Variants in HS6ST3 observed in about 807,000 individuals in gnomAD.
HS6ST3 encodes the protein heparan-sulfate 6-O-sulfotransferase 3.
HS6ST3 carries 12 observed loss-of-function variants against 36.7 expected under a neutral mutation model. The ratio of observed to expected loss-of-function variants is 0.33; its 90% CI spans 0.21 to 0.53. The LOEUF is 0.53. HS6ST3 is among the 20% of genes least tolerant of loss of function. HS6ST3 has a pLI of 0.95. For synonymous variants in HS6ST3, 240 were observed against 257.5 expected, an observed-to-expected ratio of 0.93 and a Z score of 0.65; for missense variants, 584 against 640.9, an observed-to-expected ratio of 0.91 and a Z score of 0.96.
chr13:96,441,750 T>C (rs1056510252), intron 1 of HS6ST3, among the ~76,000 whole-genome samples: 6 of 152,134 alleles, frequency 3.9e-5, no homozygotes, highest in Non-Finnish European at 8.8e-5. Context: ...ACTATTGATA[T>C]ACAAAATACA....
intron 1 of HS6ST3, among the ~76,000 whole-genome samples, chr13:96,316,083 G>T (rs1243326367): frequency 6.6e-6 from 1 of 152,156 alleles, no homozygotes; most frequent in African/African-American, 2.4e-5. Flanking sequence ...CTCATGGTAA[G>T]TGCTATTTTG....
At chr13:96,670,163 T>A (rs990086546) in intron 1 of HS6ST3, among the ~76,000 whole-genome samples, 4 of 152,054 alleles carry the variant, frequency 2.6e-5, no homozygotes, top group Admixed American at 6.6e-5. Context: ...ATTAGAAGCA[T>A]GTGGCATCCT....
At chr13:96,611,193 G>T (rs2056456241) in intron 1 of HS6ST3, among the ~76,000 whole-genome samples, 2 of 150,868 alleles carry the variant, frequency 1.3e-5, no homozygotes, top group Non-Finnish European at 1.5e-5. Flanking sequence ...GTGCAGGTTA[G>T]TTACATATGA....
intron 1 of HS6ST3, among the ~76,000 whole-genome samples, chr13:96,729,518 C>T (rs111829571): frequency 6.6e-6 from 1 of 151,982 alleles, no homozygotes; most frequent in Non-Finnish European, 1.5e-5. Context: ...GTGCAGTGGC[C>T]CGATCGTGGC....
At chr13:96,821,381 T>C (rs1878531299) in intron 1 of HS6ST3, among the ~76,000 whole-genome samples, 1 of 152,208 alleles carries the variant, frequency 6.6e-6, no homozygotes. Flanking sequence ...CACTGCATCA[T>C]TAAGTCATAA....
At chr13:96,799,021 T>A (rs1258934828) in intron 1 of HS6ST3, among the ~76,000 whole-genome samples, 1 of 152,112 alleles carries the variant, frequency 6.6e-6, no homozygotes, top group Non-Finnish European at 1.5e-5. Flanking sequence ...GAGCCCACCC[T>A]AACATCCTTA....
chr13:96,163,443 A>G (rs1012706700), intron 1 of HS6ST3, among the ~76,000 whole-genome samples: 25 of 151,766 alleles, frequency 1.6e-4, no homozygotes, highest in African/African-American at 5.8e-4. Context: ...ATTAGCTAGC[A>G]TGGTCTCGAT....
chr13:96,222,816 T>G (rs16951718), intron 1 of HS6ST3, among the ~76,000 whole-genome samples: 3,837 of 152,310 alleles, frequency 0.025, 61 homozygotes, highest in East Asian at 0.055. Flanking sequence ...AATTTCTCAT[T>G]TATCAGGGAG....
chr13:96,276,964 T>G (rs1203421591), intron 1 of HS6ST3, among the ~76,000 whole-genome samples: 1 of 152,182 alleles, frequency 6.6e-6, no homozygotes, highest in Non-Finnish European at 1.5e-5. Flanking sequence ...TTCATGCTCT[T>G]GTTGGATAAA....
At chr13:96,295,187 T>C (rs1000265653) in intron 1 of HS6ST3, among the ~76,000 whole-genome samples, 3 of 152,118 alleles carry the variant, frequency 2.0e-5, no homozygotes, top group Non-Finnish European at 4.4e-5. Context: ...ATACATATAA[T>C]AGAATGAAAA....
chr13:96,753,963 C>G (rs1246558326), intron 1 of HS6ST3, among the ~76,000 whole-genome samples: 2 of 152,138 alleles, frequency 1.3e-5, no homozygotes, highest in South Asian at 4.2e-4. Context: ...GGATTACAGG[C>G]GCCCACTACC....
At chr13:96,587,462 C>A (rs1002442548) in intron 1 of HS6ST3, among the ~76,000 whole-genome samples, 1 of 152,162 alleles carries the variant, frequency 6.6e-6, no homozygotes, top group African/African-American at 2.4e-5. Context: ...AAATAGGTTT[C>A]TTTACCTCAT....
intron 1 of HS6ST3, among the ~76,000 whole-genome samples, chr13:96,242,674 C>T (rs755779858): frequency 2.0e-5 from 3 of 151,964 alleles, no homozygotes; most frequent in Non-Finnish European, 2.9e-5. Flanking sequence ...ATGAAGATAA[C>T]GAGTGTTGGT....
chr13:96,451,245 A>T (rs2055726746), intron 1 of HS6ST3, among the ~76,000 whole-genome samples: 1 of 152,104 alleles, frequency 6.6e-6, no homozygotes, highest in Admixed American at 6.5e-5. Context: ...AAATAAATAA[A>T]TCCAATGATG....
chr13:96,337,800 G>A (rs946960148), intron 1 of HS6ST3, among the ~76,000 whole-genome samples: 2 of 151,736 alleles, frequency 1.3e-5, no homozygotes, highest in African/African-American at 4.8e-5. Flanking sequence ...TTATTTGGAA[G>A]TAGGACCACC....
intron 1 of HS6ST3, among the ~76,000 whole-genome samples, chr13:96,543,342 C>G (rs1459223886): frequency 6.6e-6 from 1 of 152,132 alleles, no homozygotes; most frequent in South Asian, 2.1e-4. Context: ...ACTGGGTGAT[C>G]ACAGGATCCA....
At chr13:96,489,904 T>C (rs1349372719) in intron 1 of HS6ST3, among the ~76,000 whole-genome samples, 1 of 152,160 alleles carries the variant, frequency 6.6e-6, no homozygotes, top group Non-Finnish European at 1.5e-5. Flanking sequence ...GTCTTCTTTC[T>C]CTTTTCTCAC....
chr13:96,692,430 A>G (rs541393185), intron 1 of HS6ST3, among the ~76,000 whole-genome samples: 5 of 152,258 alleles, frequency 3.3e-5, no homozygotes, highest in South Asian at 4.1e-4. Flanking sequence ...TTTTCCAGAT[A>G]TTTTGTATCC....
intron 1 of HS6ST3, among the ~76,000 whole-genome samples, chr13:96,517,427 G>T (rs1030481926): frequency 6.6e-6 from 1 of 152,084 alleles, no homozygotes; most frequent in Non-Finnish European, 1.5e-5. Context: ...CAACAGTGGG[G>T]CCAAGAAAGA....
Sources: allele counts gnomAD v4.1 joint callset (sites outside exome capture counted in the v4.1 genomes callset), GRCh38; gene constraint gnomAD v4.1.1; transcripts MANE v1.5; gene names NCBI Gene and HGNC (gene_info 2026-07-23, HGNC 2026-07-21).